Variants in FAAH2 observed in about 807,000 individuals in gnomAD.
FAAH2 encodes the protein fatty-acid amide hydrolase 2.
In FAAH2, 60 loss-of-function variants were observed where a neutral mutation model predicts 36.9. That is an observed-to-expected ratio of 1.63 (90% CI 1.32 to 2.02). FAAH2 has a LOEUF of 2.02. Among genes scored for constraint, FAAH2 ranks in the 30% most tolerant of loss-of-function variants. The pLI, the probability that FAAH2 is intolerant of heterozygous loss-of-function variation, is 0.00. For synonymous variants in FAAH2, 214 were observed against 143.8 expected (o/e 1.49, Z -3.49); for missense variants, 689 against 397.5 (o/e 1.73, Z -6.23).
At chrX:57,290,046 T>A (rs1693366166) in intron 1 of FAAH2, among the ~76,000 whole-genome samples, 1 of 111,731 alleles carries the variant, frequency 9.0e-6, no homozygotes, top group Admixed American at 9.5e-5. Flanking sequence ...TTAACCTCAG[T>A]GAGCCTCAAT....
At chrX:57,413,175 C>T (rs1031352084) in intron 7 of FAAH2, among the ~76,000 whole-genome samples, 4 of 111,578 alleles carry the variant, frequency 3.6e-5, no homozygotes, top group African/African-American at 1.3e-4. Context: ...CTGTAGGTTG[C>T]CTGTTCTCTC....
chrX:57,165,101 A>G, the FAAH2 span, among the ~76,000 whole-genome samples: 2 of 112,539 alleles, frequency 1.8e-5, no homozygotes, highest in African/African-American at 6.5e-5. Flanking sequence ...GGGACTCTAA[A>G]CTAGTTCAAC....
At chrX:57,428,254 T>C (rs1457486105) in intron 7 of FAAH2, among the ~76,000 whole-genome samples, 3 of 111,683 alleles carry the variant, frequency 2.7e-5, no homozygotes, top group Non-Finnish European at 5.7e-5. Flanking sequence ...ATGACAAAAA[T>C]AAATTGAAAA....
intron 7 of FAAH2, among the ~76,000 whole-genome samples, chrX:57,386,661 T>C (rs925993224): frequency 2.7e-5 from 3 of 112,197 alleles, no homozygotes; most frequent in Non-Finnish European, 3.8e-5. Flanking sequence ...GCCAATTTAA[T>C]ATTCTGACCC....
At chrX:57,193,706 C>T in the FAAH2 span, among the ~76,000 whole-genome samples, 21 of 111,655 alleles carry the variant, frequency 1.9e-4, no homozygotes, top group Admixed American at 3.8e-4. Context: ...ATGTGACTAT[C>T]GGGGGCACAT....
intron 2 of FAAH2, among the ~76,000 whole-genome samples, chrX:57,303,380 G>T (rs1376090521): frequency 1.8e-5 from 2 of 111,647 alleles, no homozygotes; most frequent in Non-Finnish European, 3.8e-5. Context: ...TATGGTTTGG[G>T]TGACATGGCT....
intron 2 of FAAH2, among the ~76,000 whole-genome samples, chrX:57,296,865 T>A (rs1327134074): frequency 9.0e-6 from 1 of 110,607 alleles, no homozygotes; most frequent in Non-Finnish European, 1.9e-5. Context: ...TGACGGAAGA[T>A]CAAATGAATG....
intron 7 of FAAH2, among the ~76,000 whole-genome samples, chrX:57,424,068 G>T (rs760512640): frequency 2.7e-5 from 3 of 111,650 alleles, no homozygotes; most frequent in African/African-American, 6.5e-5. Flanking sequence ...TACTCAGTAG[G>T]TCTTGAACCC....
chrX:57,343,024 G>C (rs758029085), intron 5 of FAAH2, among the ~76,000 whole-genome samples: 1 of 111,890 alleles, frequency 8.9e-6, no homozygotes, highest in Non-Finnish European at 1.9e-5. Context: ...TCAGTCCACT[G>C]TTGATGGGAA....
At chrX:57,212,325 A>G in the FAAH2 span, among the ~76,000 whole-genome samples, 3 of 112,158 alleles carry the variant, frequency 2.7e-5, no homozygotes, top group Non-Finnish European at 5.6e-5. Context: ...ATGCTATGAC[A>G]CCTCCAAAGA....
At chrX:57,378,545 A>G (rs2147209860) in intron 5 of FAAH2, 106 bp from the exon 6 acceptor site, 1 of 1,027,347 alleles carries the variant, frequency 9.7e-7, no homozygotes, top group East Asian at 3.1e-5. Flanking sequence ...GAAAAGTTTT[A>G]ACCAGGAGAA....
At chrX:57,249,867 C>G in the FAAH2 span, among the ~76,000 whole-genome samples, 2 of 112,021 alleles carry the variant, frequency 1.8e-5, no homozygotes, top group Non-Finnish European at 3.8e-5. Flanking sequence ...TAATATTTTA[C>G]TTGATTTAGG....
chrX:57,299,195 A>G (rs1231268188), intron 2 of FAAH2, among the ~76,000 whole-genome samples: 1 of 112,193 alleles, frequency 8.9e-6, no homozygotes, highest in East Asian at 2.8e-4. Flanking sequence ...ACATTGATGC[A>G]AAAATCCTCA....
At chrX:57,457,987 A>G (rs1456096588) in intron 10 of FAAH2, among the ~76,000 whole-genome samples, 1 of 112,134 alleles carries the variant, frequency 8.9e-6, no homozygotes, top group East Asian at 2.8e-4. Context: ...CTCAACAGCT[A>G]AAGCAATATT....
At chrX:57,202,083 TA>T in the FAAH2 span, among the ~76,000 whole-genome samples, 49,819 of 110,885 alleles carry the variant, frequency 0.45, 11,196 homozygotes, top group African/African-American at 0.88. Flanking sequence ...CACAGCTATT[TA>T]TAAATTATCT....
chrX:57,332,754 C>A (rs1052172412), intron 4 of FAAH2, among the ~76,000 whole-genome samples: 2 of 111,928 alleles, frequency 1.8e-5, no homozygotes, highest in Non-Finnish European at 3.8e-5. Flanking sequence ...GGAGAGAAAT[C>A]TTCTCTTGCT....
chrX:57,201,208 G>A, the FAAH2 span, among the ~76,000 whole-genome samples: 1 of 110,484 alleles, frequency 9.1e-6, no homozygotes, highest in Non-Finnish European at 1.9e-5. Flanking sequence ...GGAACACAAG[G>A]TCAGGAGTTC....
chrX:57,157,296 C>A, the FAAH2 span, among the ~76,000 whole-genome samples: 4 of 111,794 alleles, frequency 3.6e-5, no homozygotes, highest in South Asian at 1.5e-3. Context: ...GCAGAATGCA[C>A]CCAATGACTG....
At chrX:57,359,093 G>C (rs2054228828) in intron 5 of FAAH2, among the ~76,000 whole-genome samples, 1 of 110,496 alleles carries the variant, frequency 9.1e-6, no homozygotes, top group African/African-American at 3.3e-5. Flanking sequence ...ACTGTTGACT[G>C]ACTGTAGTCA....
Sources: gnomAD v4.1 joint callset for allele counts (sites outside exome capture counted in the v4.1 genomes callset) on GRCh38, gnomAD v4.1.1 for gene constraint, MANE v1.5 for transcripts, NCBI Gene and HGNC (gene_info 2026-07-23, HGNC 2026-07-21) for gene names.